Variants in DCLK1 observed in about 807,000 individuals in gnomAD.
DCLK1 encodes doublecortin like kinase 1.
DCLK1 carries 16 observed loss-of-function variants against 86.2 expected under a neutral mutation model. That is an observed-to-expected ratio of 0.19 (90% CI 0.13 to 0.28). DCLK1 has a LOEUF of 0.28. DCLK1 is among the 10% of genes least tolerant of loss of function. The pLI, the probability that DCLK1 is intolerant of heterozygous loss-of-function variation, is 1.00. For synonymous variants in DCLK1, 369 were observed against 370.5 expected (o/e 1.00, Z 0.05); for missense variants, 590 against 940.2 (o/e 0.63, Z 4.87).
At chr13:35,973,263 A>G (rs1449074753) in intron 3 of DCLK1, among the ~76,000 whole-genome samples, 1 of 152,184 alleles carries the variant, frequency 6.6e-6, no homozygotes, top group Non-Finnish European at 1.5e-5. Flanking sequence ...GCTGAGGAGC[A>G]AAGGGGAGGA....
intron 3 of DCLK1, among the ~76,000 whole-genome samples, chr13:35,957,615 C>A (rs772597455): frequency 2.0e-5 from 3 of 152,172 alleles, no homozygotes; most frequent in South Asian, 2.1e-4. Flanking sequence ...AATCACTTTG[C>A]CTGGTATGTT....
chr13:35,801,332 A>G (rs1318348011), intron 15 of DCLK1, among the ~76,000 whole-genome samples: 1 of 152,226 alleles, frequency 6.6e-6, no homozygotes, highest in Non-Finnish European at 1.5e-5. Context: ...GTGAAAGCTT[A>G]CTTTTAACAA....
intron 3 of DCLK1, among the ~76,000 whole-genome samples, chr13:35,989,427 A>C (rs9531316): frequency 0.21 from 32,416 of 151,856 alleles, 3,924 homozygotes; most frequent in African/African-American, 0.32. Context: ...GCTCACCACC[A>C]CACCCGGCTA....
At chr13:36,127,006 G>A (rs1239745566) in intron 1 of DCLK1, among the ~76,000 whole-genome samples, 1 of 152,148 alleles carries the variant, frequency 6.6e-6, no homozygotes, top group African/African-American at 2.4e-5. Context: ...GGCTAATCCT[G>A]GTAGCAGGAA....
intron 4 of DCLK1, among the ~76,000 whole-genome samples, chr13:35,908,907 A>G (rs919504645): frequency 5.9e-5 from 9 of 152,334 alleles, no homozygotes; most frequent in Admixed American, 4.6e-4. Context: ...AAGTGTTAGG[A>G]TTACAGGTGT....
intron 15 of DCLK1, among the ~76,000 whole-genome samples, chr13:35,800,883 ATT>A (rs34873101): frequency 0.12 from 15,831 of 135,236 alleles, 1,003 homozygotes; most frequent in East Asian, 0.19. Context: ...TGCTGGGCTA[ATT>A]TTTTTTTTTT....
At chr13:35,912,994 C>T (rs1437282971) in intron 4 of DCLK1, among the ~76,000 whole-genome samples, 2 of 152,218 alleles carry the variant, frequency 1.3e-5, no homozygotes, top group African/African-American at 4.8e-5. Flanking sequence ...TCATATGCTC[C>T]TTCCTGCAAA....
intron 3 of DCLK1, among the ~76,000 whole-genome samples, chr13:36,110,136 C>A (rs768307643): frequency 1.3e-5 from 2 of 152,020 alleles, no homozygotes; most frequent in Non-Finnish European, 2.9e-5. Flanking sequence ...GATGAACTCC[C>A]ATCTTGAGAA....
At chr13:35,912,219 G>A (rs76933455) in intron 4 of DCLK1, among the ~76,000 whole-genome samples, 151 of 152,230 alleles carry the variant, frequency 9.9e-4, no homozygotes, top group African/African-American at 3.3e-3. Flanking sequence ...AAGTGATAGC[G>A]GCAGGAGGCA....
At chr13:35,836,303 T>C (rs1869376357) in intron 7 of DCLK1, among the ~76,000 whole-genome samples, 162 bp from the exon 8 acceptor site, 1 of 152,198 alleles carries the variant, frequency 6.6e-6, no homozygotes, top group Non-Finnish European at 1.5e-5. Flanking sequence ...GCTGACATTG[T>C]ATATACTCAA....
intron 4 of DCLK1, among the ~76,000 whole-genome samples, chr13:35,902,076 C>T (rs537005422): frequency 8.3e-4 from 126 of 152,196 alleles, no homozygotes; most frequent in African/African-American, 2.7e-3. Context: ...TCTAGATTTG[C>T]TTTATGCACA....
At chr13:35,856,268 A>T (rs1301219427) in intron 5 of DCLK1, among the ~76,000 whole-genome samples, 1 of 152,140 alleles carries the variant, frequency 6.6e-6, no homozygotes, top group Non-Finnish European at 1.5e-5. Context: ...AGTGAACTTC[A>T]CGCTCGGACC....
At chr13:36,123,738 C>T (rs754668890) in intron 2 of DCLK1, among the ~76,000 whole-genome samples, 2 of 152,214 alleles carry the variant, frequency 1.3e-5, no homozygotes, top group Non-Finnish European at 2.9e-5. Context: ...TAAATGTATT[C>T]ATATATGCAG....
chr13:35,927,247 G>A (rs1263955973), intron 4 of DCLK1, among the ~76,000 whole-genome samples: 1 of 152,200 alleles, frequency 6.6e-6, no homozygotes, highest in Non-Finnish European at 1.5e-5. Flanking sequence ...AAATGAAAGA[G>A]ATTTTGCATT....
chr13:35,960,434 G>A (rs956303879), intron 3 of DCLK1, among the ~76,000 whole-genome samples: 2 of 152,172 alleles, frequency 1.3e-5, no homozygotes, highest in African/African-American at 4.8e-5. Flanking sequence ...AGGGGTTTAG[G>A]ACATCAGAGT....
intron 3 of DCLK1, among the ~76,000 whole-genome samples, chr13:36,069,666 A>T (rs1170344371): frequency 1.3e-5 from 2 of 152,062 alleles, no homozygotes; most frequent in Non-Finnish European, 2.9e-5. Flanking sequence ...TCCCACCTGG[A>T]TCCTTGCCTT....
At chr13:35,788,380 T>C in intron 16 of DCLK1, 9 of 1,123,972 alleles carry the variant, frequency 8.0e-6, no homozygotes, top group Non-Finnish European at 1.2e-5. Flanking sequence ...TCTATATGTA[T>C]ATATAGTTAC....
rs146101558 is a variant in DCLK1 at position 35,849,645 on chromosome 13, G to T, written c.1035+4854C>A. On this transcript the variant is annotated intron_variant, in intron 6 of 16. Coordinates refer to ENST00000360631, the MANE Select transcript of DCLK1 (RefSeq NM_001330071.2). ...AGGACTAGAAGAGCAGAATTAGTAG[G>T]TTAATGTTTAACAATGGGTTATAAT... 2.7e-5 allele frequency: 27 copies of T among 982,414 alleles called. No individual in the cohort carries two copies. The East Asian group carries it at 2.8e-3, about 103-fold the overall frequency. 60.9% of individuals were successfully genotyped at this position (982,414 alleles called of 1,614,324 possible).
chr13:36,075,957 C>T (rs759196558), intron 3 of DCLK1, among the ~76,000 whole-genome samples: 38 of 152,176 alleles, frequency 2.5e-4, no homozygotes, highest in Non-Finnish European at 5.1e-4. Flanking sequence ...CCTGGGAGGC[C>T]GAGGATGCAG....
Sources: gnomAD v4.1 joint callset for allele counts (sites outside exome capture counted in the v4.1 genomes callset) on GRCh38, gnomAD v4.1.1 for gene constraint, MANE v1.5 for transcripts, NCBI Gene and HGNC (gene_info 2026-07-23, HGNC 2026-07-21) for gene names.